The following DSCAML1 variants were observed in gnomAD, a reference collection of about 807,000 sequenced individuals.
The protein encoded by DSCAML1 is DS cell adhesion molecule like 1, also known as cell adhesion molecule DSCAML1.
A neutral mutation model predicts 200.5 loss-of-function variants in DSCAML1; 38 were observed. That is an observed-to-expected ratio of 0.19 (90% CI 0.15 to 0.25). The LOEUF (loss-of-function observed/expected upper bound fraction) is 0.25, where lower values mean the gene tolerates loss of function less well. Ranked by LOEUF, DSCAML1 falls within the 10% of genes least tolerant of loss-of-function variation. DSCAML1 has a pLI of 1.00. For missense variants in DSCAML1, 2,223 were observed against 2,858.8 expected, an observed-to-expected ratio of 0.78 and a Z score of 5.07; for synonymous variants, 1,215 against 1,165.0, an observed-to-expected ratio of 1.04 and a Z score of -0.87.
rs141791766 is a variant in DSCAML1 at position 117,716,605 on chromosome 11, C to T, written c.511+60186G>A. Among the ~76,000 whole-genome samples, 181 of 152,272 alleles carry T rather than the reference C, an allele frequency of 1.2e-3. 4 individuals carry two copies. Among genetic ancestry groups the T allele is most frequent in the East Asian group, 2.1e-3 (11 of 5,180 alleles). On this transcript the variant is annotated intron_variant, in intron 3 of 32. Transcript: ENST00000651296. ...CGAAGAAGTCAAAAATGCCAACCAA[C>T]TCTAAGACCTCATGATTCAGCCAGA...
At chr11:117,807,396 G>A (rs2055715647) in intron 1 of DSCAML1, among the ~76,000 whole-genome samples, 1 of 152,180 alleles carries the variant, frequency 6.6e-6, no homozygotes, top group African/African-American at 2.4e-5. Flanking sequence ...ATGATTTGGG[G>A]GGTGGGAGAT....
chr11:117,438,999 C>A lies in DSCAML1; in HGVS notation c.4145-16G>T. 1 of 1,593,586 alleles carries A rather than the reference C, an allele frequency of 6.3e-7. No homozygotes were observed. The highest frequency in any genetic ancestry group is 8.5e-7 in the Non-Finnish European group (1 of 1,171,838). On this transcript the variant is annotated splice_polypyrimidine_tract_variant and intron_variant, in intron 23 of 32. Coordinates refer to ENST00000651296, the MANE Select transcript of DSCAML1 (RefSeq NM_020693.4). The stretch of plus-strand genomic sequence containing the variant: ...TCCGGGGGAACTGTGAGGGGAAAGC[C>A]ACCACCCCTTAGCACAAGGGCGGAC...
In DSCAML1 at chr11:117,439,497, G is replaced by A. The variant is rs73592189; in HGVS notation, c.3981-68C>T. Reference sequence around the variant, plus strand: ...CCCTTCCTCCTGAGGCCCTCCCCCCGGTGTGTGACAAAGAGAGCTGGGGGT... The same window carrying A: ...CCCTTCCTCCTGAGGCCCTCCCCCCAGTGTGTGACAAAGAGAGCTGGGGGT... On this transcript the variant is annotated intron_variant, in intron 22 of 32. Coordinates refer to ENST00000651296, the MANE Select transcript of DSCAML1 (RefSeq NM_020693.4). 239 of 1,555,552 alleles carry A rather than the reference G, an allele frequency of 1.5e-4. 2 individuals carry two copies. In the East Asian group the frequency reaches 3.7e-3, roughly 24 times the overall value.
chr11:117,810,376 CCGA>C (rs2055751146), intron 1 of DSCAML1, among the ~76,000 whole-genome samples: 1 of 150,168 alleles, frequency 6.7e-6, no homozygotes, highest in Non-Finnish European at 1.5e-5. Flanking sequence ...TTTCCGCACC[CCGA>C]CCTCTTATCT....
At chr11:117,589,219 G>A (rs1483998356) in intron 3 of DSCAML1, among the ~76,000 whole-genome samples, 7 of 152,186 alleles carry the variant, frequency 4.6e-5, no homozygotes, top group Non-Finnish European at 1.0e-4. Flanking sequence ...AAATGCAAGC[G>A]ACCGGAGCGG....
At chr11:117,719,209 C>T (rs533409761) in intron 3 of DSCAML1, among the ~76,000 whole-genome samples, 112 of 152,184 alleles carry the variant, frequency 7.4e-4, no homozygotes, top group Middle Eastern at 3.4e-3. Context: ...CTGAGACAGG[C>T]GGATCGCTGG....
intron 14 of DSCAML1, among the ~76,000 whole-genome samples, chr11:117,477,939 A>C (rs1211938805): frequency 6.6e-6 from 1 of 152,210 alleles, no homozygotes; most frequent in African/African-American, 2.4e-5. Context: ...TTAAGAGTGC[A>C]AAGCCCTTGT....
intron 1 of DSCAML1, among the ~76,000 whole-genome samples, chr11:117,784,944 G>A (rs1278354364): frequency 3.9e-5 from 6 of 152,160 alleles, no homozygotes; most frequent in Admixed American, 6.5e-5. Context: ...GGTTACTGCA[G>A]GGATGGAAGG....
At chr11:117,689,979 GAGAC>G (rs1050443939) in intron 3 of DSCAML1, among the ~76,000 whole-genome samples, 7 of 152,194 alleles carry the variant, frequency 4.6e-5, no homozygotes, top group African/African-American at 1.4e-4. Context: ...GAAGGGAAAA[GAGAC>G]AGGCTTCTAG....
chr11:117,799,256 C>T (rs79449280), upstream of DSCAML1, among the ~76,000 whole-genome samples: 2 of 152,140 alleles, frequency 1.3e-5, no homozygotes, highest in African/African-American at 4.8e-5. Context: ...TGACCCAGAG[C>T]ACCTGGTCAG....
At chr11:117,707,535 C>CTT (rs202106088) in intron 3 of DSCAML1, among the ~76,000 whole-genome samples, 263 of 149,652 alleles carry the variant, frequency 1.8e-3, no homozygotes, top group African/African-American at 4.7e-3. Flanking sequence ...TCTTTTTATT[C>CTT]TTTTTTTTTT....
chr11:117,433,783 A>G (rs1450466080), intron 27 of DSCAML1, among the ~76,000 whole-genome samples: 1 of 152,232 alleles, frequency 6.6e-6, no homozygotes, highest in Non-Finnish European at 1.5e-5. Flanking sequence ...CTCTGCTTAA[A>G]CACAACACCA....
chr11:117,667,895 G>A (rs1310294201), intron 3 of DSCAML1, among the ~76,000 whole-genome samples: 1 of 152,240 alleles, frequency 6.6e-6, no homozygotes, highest in Non-Finnish European at 1.5e-5. Flanking sequence ...TTGCAGTGGA[G>A]AAGAAGGGAG....
intron 3 of DSCAML1, among the ~76,000 whole-genome samples, chr11:117,672,392 T>C (rs888038155): frequency 1.3e-5 from 2 of 151,884 alleles, no homozygotes; most frequent in Non-Finnish European, 2.9e-5. Flanking sequence ...CTGGCCATTT[T>C]CCCCCCACTC....
chr11:117,813,728 A>G (rs2055779391), intron 1 of DSCAML1, among the ~76,000 whole-genome samples: 1 of 152,096 alleles, frequency 6.6e-6, no homozygotes, highest in Non-Finnish European at 1.5e-5. Flanking sequence ...ACCTCCCTTC[A>G]GCTTAATCTC....
chr11:117,795,528 C>A, intron 1 of DSCAML1, among the ~76,000 whole-genome samples: 1 of 151,760 alleles, frequency 6.6e-6, no homozygotes, highest in East Asian at 1.9e-4. Flanking sequence ...ATGCGGGGGG[C>A]AAGGGGTTAA....
chr11:117,684,261 G>A (rs1468836165), intron 3 of DSCAML1, among the ~76,000 whole-genome samples: 1 of 151,940 alleles, frequency 6.6e-6, no homozygotes, highest in Non-Finnish European at 1.5e-5. Context: ...GTGATGTTTT[G>A]TATGGATCTT....
At chr11:117,675,301 T>C (rs552131141) in intron 3 of DSCAML1, among the ~76,000 whole-genome samples, 106 of 152,154 alleles carry the variant, frequency 7.0e-4, no homozygotes, top group Admixed American at 3.7e-3. Flanking sequence ...ATCAGGGTTA[T>C]GCTTCCAAGC....
In DSCAML1 at chr11:117,439,365, G is replaced by T. The variant is rs1190766882; in HGVS notation, c.4045C>A (p.Leu1349Met). ...TCCTCAGCCTTCACTGCACGCAGCA[G>T]CAGTGTGCCATTGGTGTGGATGAGC... ...HRLIHTNGTLLLRAVKAEDSG... is the reference protein window; with the variant it reads ...HRLIHTNGTLMLRAVKAEDSG... The change falls in exon 23 of 33, where the codon CTG (leucine) becomes ATG (methionine). Residue 1349 changes from leucine (L) to methionine (M), a missense_variant. This residue lies in a region of DSCAML1 where 614 missense variants were observed against 739.1 expected (regional missense o/e 0.83). Coordinates refer to ENST00000651296, the MANE Select transcript of DSCAML1 (RefSeq NM_020693.4). 1 of 1,613,902 alleles carries T rather than the reference G, an allele frequency of 6.2e-7. No individual in the cohort carries two copies. The highest frequency in any genetic ancestry group is 8.5e-7 in the Non-Finnish European group (1 of 1,180,018).
Sources: allele counts gnomAD v4.1 joint callset (sites outside exome capture counted in the v4.1 genomes callset), GRCh38; gene constraint gnomAD v4.1.1; regional missense constraint gnomAD v4.1.1; transcripts MANE v1.5; gene names NCBI Gene and HGNC (gene_info 2026-07-23, HGNC 2026-07-21).